Variants in DCK observed in about 807,000 individuals in gnomAD.
The protein encoded by DCK is deoxycytidine kinase.
A neutral mutation model predicts 38.3 loss-of-function variants in DCK; 23 were observed. The observed-to-expected ratio is 0.60, with a 90% CI of 0.43 to 0.85. The LOEUF is 0.85. DCK is among the 40% of genes least tolerant of loss of function. DCK has a pLI of 0.00. For missense variants in DCK, 259 were observed against 304.4 expected, an observed-to-expected ratio of 0.85 and a Z score of 1.11; for synonymous variants, 108 against 100.6, an observed-to-expected ratio of 1.07 and a Z score of -0.44.
At chr4:70,997,378 C>T (rs1176516036) in intron 1 of DCK, among the ~76,000 whole-genome samples, 3 of 152,184 alleles carry the variant, frequency 2.0e-5, no homozygotes, top group Non-Finnish European at 4.4e-5. Flanking sequence ...ATGATTAAAT[C>T]TCACTGTTAT....
At chr4:71,002,941 A>T (rs1247500792) in intron 2 of DCK, among the ~76,000 whole-genome samples, 1 of 152,182 alleles carries the variant, frequency 6.6e-6, no homozygotes, top group Non-Finnish European at 1.5e-5. Context: ...CAACTGGGGC[A>T]TTTAGCCCAT....
intron 2 of DCK, among the ~76,000 whole-genome samples, chr4:71,017,535 T>C (rs1025662303): frequency 2.0e-5 from 3 of 152,010 alleles, no homozygotes; most frequent in Non-Finnish European, 2.9e-5. Flanking sequence ...AACCCAGATG[T>C]CCATCAGTAA....
chr4:71,010,541 G>C (rs1740062100), intron 2 of DCK, among the ~76,000 whole-genome samples: 1 of 148,994 alleles, frequency 6.7e-6, no homozygotes, highest in Non-Finnish European at 1.5e-5. Flanking sequence ...TTATTGTGAA[G>C]TACTATTTTA....
Position 70,998,052 on chromosome 4 carries a change from C to T in DCK, c.92-15C>T. On this transcript the variant is annotated splice_polypyrimidine_tract_variant and intron_variant, in intron 1 of 6. Coordinates refer to ENST00000286648, the MANE Select transcript of DCK (RefSeq NM_000788.3). ...GACAACTTTTCTTCCTCAATTTTAT[C>T]TTTCCTCACAACAGCTGCAGGGAAG... 2.9e-6 allele frequency: 4 copies of T among 1,374,138 alleles called. No individual in the cohort carries two copies. The highest frequency in any genetic ancestry group is 1.5e-5 in the African/African-American group (1 of 68,832). 85.1% of individuals were successfully genotyped at this position (1,374,138 alleles called of 1,614,324 possible). A position where few individuals can be genotyped will look rare whatever the true frequency, so the allele number is the denominator to read the frequency against.
At chr4:71,021,561 G>A (rs1740425385) in intron 2 of DCK, among the ~76,000 whole-genome samples, 1 of 152,140 alleles carries the variant, frequency 6.6e-6, no homozygotes, top group Admixed American at 6.5e-5. Context: ...GCCTAAAGGG[G>A]CCAGACAGCC....
In DCK at chr4:71,029,529, G is replaced by C; in HGVS notation, c.*151G>C. On this transcript the variant is annotated 3_prime_UTR_variant, in exon 7 of 7. Transcript: ENST00000286648. ...AAAAGATTTTTAAAATGAATCTTAT[G>C]CAAAACTTTTTGACCAGTTTCTTTT... The C allele has an allele frequency of 1.6e-6, 1 of 622,044 alleles. No individual in the cohort carries two copies. The highest frequency in any genetic ancestry group is 2.9e-6 in the Non-Finnish European group (1 of 349,146). The allele number at this position is 622,044 out of a possible 1,614,324, so 38.5% of individuals were successfully genotyped here. A position where few individuals can be genotyped will look rare whatever the true frequency, so the allele number is the denominator to read the frequency against.
intron 1 of DCK, among the ~76,000 whole-genome samples, chr4:70,994,601 T>C (rs1171805327): frequency 6.6e-6 from 1 of 152,280 alleles, no homozygotes; most frequent in East Asian, 1.9e-4. Flanking sequence ...TGCATGGATG[T>C]ACCATCGTTT....
intron 2 of DCK, among the ~76,000 whole-genome samples, chr4:71,013,399 A>G (rs1740154861): frequency 6.6e-6 from 1 of 152,220 alleles, no homozygotes; most frequent in African/African-American, 2.4e-5. Context: ...AATTCAGGAA[A>G]TACAGAGAAC....
At chr4:71,014,374 A>G (rs918926480) in intron 2 of DCK, among the ~76,000 whole-genome samples, 2 of 152,236 alleles carry the variant, frequency 1.3e-5, no homozygotes, top group Non-Finnish European at 2.9e-5. Flanking sequence ...ACAGAAAGTT[A>G]ACAAGGATAT....
intron 2 of DCK, among the ~76,000 whole-genome samples, chr4:71,020,624 T>G (rs1740390499): frequency 6.6e-6 from 1 of 152,232 alleles, no homozygotes; most frequent in Non-Finnish European, 1.5e-5. Context: ...ATGGGACTTT[T>G]TTTTTCTTTT....
chr4:71,019,316 T>C (rs1032165891), intron 2 of DCK, among the ~76,000 whole-genome samples: 4 of 152,224 alleles, frequency 2.6e-5, no homozygotes, highest in Non-Finnish European at 1.5e-5. Context: ...TTGAAATTGC[T>C]TTGGGCAAGA....
Position 70,993,909 on chromosome 4 carries a change from C to A in DCK, c.74C>A (p.Ser25Tyr). Reference protein sequence around the residue: ...SSEGTRIKKISIEGNIAAGKS... With the variant: ...SSEGTRIKKIYIEGNIAAGKS... Reference sequence around the variant, plus strand: ...GAGGGGACCCGCATCAAGAAAATCTCCATCGAAGGGAACATCGGTAAGGAG... The same window carrying A: ...GAGGGGACCCGCATCAAGAAAATCTACATCGAAGGGAACATCGGTAAGGAG... The change falls in exon 1 of 7, where the codon TCC becomes TAC. Residue 25 changes from serine to tyrosine, a missense_variant. Physicochemically the swap from Ser to Tyr is moderately radical, Grantham distance 144. This residue lies in a region of DCK where 159 missense variants were observed against 159.0 expected (regional missense o/e 1.00). Coordinates refer to ENST00000286648, the MANE Select transcript of DCK (RefSeq NM_000788.3). The A allele has an allele frequency of 6.2e-7, 1 of 1,613,440 alleles. No individual in the cohort carries two copies. The highest frequency in any genetic ancestry group is 1.1e-5 in the South Asian group (1 of 91,024).
At chr4:71,019,839 G>C (rs1380977420) in intron 2 of DCK, among the ~76,000 whole-genome samples, 3 of 151,978 alleles carry the variant, frequency 2.0e-5, no homozygotes, top group Non-Finnish European at 4.4e-5. Flanking sequence ...CCAGGCTGAA[G>C]TACAGTGCAT....
intron 2 of DCK, among the ~76,000 whole-genome samples, 185 bp downstream of exon 2, chr4:70,998,367 G>A (rs73827068): frequency 4.3e-4 from 65 of 151,946 alleles, no homozygotes; most frequent in African/African-American, 1.5e-3. Flanking sequence ...GTTTCAGATT[G>A]ATATGGATTC....
chr4:71,029,384 C>T lies in DCK; in HGVS notation c.*6C>T, dbSNP rs1250321949. On this transcript the variant is annotated 3_prime_UTR_variant, in exon 7 of 7. Coordinates refer to ENST00000286648, the MANE Select transcript of DCK (RefSeq NM_000788.3). The stretch of plus-strand genomic sequence containing the variant: ...AGTTTTTGAGTACTTTGTGATCTTG[C>T]TGAAGACTACAGGCAGCCAAATGGT... The T allele has an allele frequency of 6.2e-7, 1 of 1,605,886 alleles. No individual in the cohort carries two copies. The highest frequency in any genetic ancestry group is 2.2e-5 in the East Asian group (1 of 44,762).
At chr4:71,026,295 T>G (rs1452235025) in intron 5 of DCK, among the ~76,000 whole-genome samples, 2 of 152,112 alleles carry the variant, frequency 1.3e-5, no homozygotes, top group African/African-American at 4.8e-5. Context: ...TAGTCAGATC[T>G]TGGCTCAAGT....
intron 2 of DCK, among the ~76,000 whole-genome samples, chr4:71,006,766 C>T (rs746609024): frequency 5.3e-5 from 8 of 152,014 alleles, no homozygotes; most frequent in Admixed American, 2.0e-4. Flanking sequence ...CATGCTCATG[C>T]CACTGTACTC....
At chr4:71,000,606 T>G (rs1468762975) in intron 2 of DCK, among the ~76,000 whole-genome samples, 2 of 152,214 alleles carry the variant, frequency 1.3e-5, no homozygotes, top group African/African-American at 2.4e-5. Context: ...GTAAATTACT[T>G]TGGGCAGTAT....
At chr4:71,018,843 T>C (rs1282556994) in intron 2 of DCK, among the ~76,000 whole-genome samples, 1 of 151,904 alleles carries the variant, frequency 6.6e-6, no homozygotes, top group Non-Finnish European at 1.5e-5. Context: ...GGCTAATTTT[T>C]GTATTTTTTG....
Sources: gnomAD v4.1 joint callset for allele counts (sites outside exome capture counted in the v4.1 genomes callset) on GRCh38, gnomAD v4.1.1 for gene constraint, gnomAD v4.1.1 regional missense constraint, MANE v1.5 for transcripts, NCBI Gene and HGNC (gene_info 2026-07-23, HGNC 2026-07-21) for gene names.